Variants in OSBP2 observed in about 807,000 individuals in gnomAD.
The protein encoded by OSBP2 is oxysterol-binding protein 2.
In OSBP2, 66 loss-of-function variants were observed where a neutral mutation model predicts 96.0. The ratio of observed to expected loss-of-function variants is 0.69; its 90% CI spans 0.56 to 0.84. The LOEUF is 0.84. OSBP2 is among the 40% of genes least tolerant of loss of function. The probability of loss-of-function intolerance (pLI) is 0.00; values close to 1 mark genes in which losing one functional copy is unlikely to be tolerated. For missense variants in OSBP2, 1,038 were observed against 1,222.7 expected (o/e 0.85, Z 2.25); for synonymous variants, 525 against 520.9 (o/e 1.01, Z -0.11).
At chr22:30,755,856 C>T (rs1010864513) in intron 2 of OSBP2, among the ~76,000 whole-genome samples, 1 of 152,192 alleles carries the variant, frequency 6.6e-6, no homozygotes, top group Non-Finnish European at 1.5e-5. Context: ...GGTGCCTCTG[C>T]TAGGATTGCA....
At chr22:30,807,053 G>A (rs1339869712) in intron 2 of OSBP2, among the ~76,000 whole-genome samples, 1 of 152,130 alleles carries the variant, frequency 6.6e-6, no homozygotes, top group African/African-American at 2.4e-5. Context: ...TAGCTGTTTT[G>A]CACACATACC....
At chr22:30,860,565 T>G (rs2039190396) in intron 2 of OSBP2, among the ~76,000 whole-genome samples, 1 of 152,078 alleles carries the variant, frequency 6.6e-6, no homozygotes, top group Non-Finnish European at 1.5e-5. Flanking sequence ...TGGCATGGGG[T>G]CTGTCCTTCA....
chr22:30,755,091 G>A (rs754656941), intron 2 of OSBP2, among the ~76,000 whole-genome samples: 5 of 152,200 alleles, frequency 3.3e-5, no homozygotes, highest in Non-Finnish European at 5.9e-5. Flanking sequence ...GCCCTAGCCA[G>A]GATCAGCTCA....
intron 2 of OSBP2, among the ~76,000 whole-genome samples, chr22:30,767,373 C>T (rs1341293168): frequency 6.6e-6 from 1 of 151,934 alleles, no homozygotes; most frequent in Non-Finnish European, 1.5e-5. Context: ...TCTCAGGAAT[C>T]GTCACATACC....
intron 12 of OSBP2, chr22:30,894,547 G>A (rs1323598203): frequency 6.5e-6 from 1 of 153,188 alleles, no homozygotes; most frequent in East Asian, 1.9e-4. Flanking sequence ...GAGTTTGAGT[G>A]CAGTCTCCCG....
rs1295953246 is a variant in OSBP2, at chr22:30,812,504, T to C, written c.854-57925T>C. Reference sequence around the variant, plus strand: ...AACAGCATAGAATTCCATAGTGTATTATAATGTATTTAATCATTTTCCTCT... The same window carrying C: ...AACAGCATAGAATTCCATAGTGTATCATAATGTATTTAATCATTTTCCTCT... On this transcript the variant is annotated intron_variant, in intron 2 of 13. Transcript: ENST00000332585. Among the ~76,000 whole-genome samples the C allele has an allele frequency of 2.6e-5, 4 of 152,208 alleles. No homozygotes were observed. In the East Asian group the frequency reaches 7.7e-4, roughly 29 times the overall value.
intron 2 of OSBP2, among the ~76,000 whole-genome samples, chr22:30,809,317 T>C (rs1312042156): frequency 6.6e-6 from 1 of 152,192 alleles, no homozygotes; most frequent in African/African-American, 2.4e-5. Flanking sequence ...GACTCTCCAA[T>C]GGAGCCTTAT....
At position 30,857,083 on chromosome 22, in the gene OSBP2, G is replaced by A. The variant is rs5994352; in HGVS notation, c.854-13346G>A. On this transcript the variant is annotated intron_variant, in intron 2 of 13. Coordinates refer to ENST00000332585, the MANE Select transcript of OSBP2 (RefSeq NM_030758.4). ...TTGATTTTTCTCCTTTGCAAAAACT[G>A]CTTGGAGAGCTTTTCACCAAGGCAT... Among the ~76,000 whole-genome samples the A allele has an allele frequency of 3.2e-3, 484 of 152,338 alleles. 3 individuals are homozygous for A. Among genetic ancestry groups the A allele is most frequent in the African/African-American group, 0.011 (467 of 41,578 alleles).
chr22:30,729,357 G>A (rs148389674), intron 1 of OSBP2, among the ~76,000 whole-genome samples: 1 of 152,244 alleles, frequency 6.6e-6, no homozygotes, highest in African/African-American at 2.4e-5. Flanking sequence ...AAAATTATTG[G>A]CTGGGCACGG....
At chr22:30,885,010 G>A (rs889321404) in intron 3 of OSBP2, among the ~76,000 whole-genome samples, 1 of 152,176 alleles carries the variant, frequency 6.6e-6, no homozygotes, top group Non-Finnish European at 1.5e-5. Context: ...TTGTGGCCTG[G>A]GCACCAGGTG....
rs1051257830 is a variant in OSBP2, at chr22:30,803,161, G to T, written c.853+61792G>T. On this transcript the variant is annotated intron_variant, in intron 2 of 13. Coordinates refer to ENST00000332585, the MANE Select transcript of OSBP2 (RefSeq NM_030758.4). ...CGGGGCAGGACCCACGTCCACACCCGAGAGCCCCTCCCTGGGGTGAGTCAG... is the reference window on the plus strand; with the variant it reads ...CGGGGCAGGACCCACGTCCACACCCTAGAGCCCCTCCCTGGGGTGAGTCAG... The T allele has an allele frequency of 2.4e-5, 4 of 166,886 alleles. No individual in the cohort carries two copies. In the South Asian group the frequency reaches 4.8e-4, roughly 20 times the overall value. The allele number at this position is 166,886 out of a possible 1,614,324, so 10.3% of individuals were successfully genotyped here.
At chr22:30,739,870 C>A (rs777021522) in intron 1 of OSBP2, among the ~76,000 whole-genome samples, 1 of 151,916 alleles carries the variant, frequency 6.6e-6, no homozygotes, top group African/African-American at 2.4e-5. Context: ...GACAGAGTCT[C>A]GCTCTGTAGC....
intron 2 of OSBP2, among the ~76,000 whole-genome samples, chr22:30,766,291 T>C (rs1405141919): frequency 6.6e-6 from 1 of 152,192 alleles, no homozygotes; most frequent in Non-Finnish European, 1.5e-5. Context: ...TCTGTTTCTC[T>C]GGTGGCCTGG....
At chr22:30,806,754 G>A (rs1454966418) in intron 2 of OSBP2, among the ~76,000 whole-genome samples, 2 of 152,048 alleles carry the variant, frequency 1.3e-5, no homozygotes, top group African/African-American at 2.4e-5. Flanking sequence ...GACCTCCATG[G>A]ACCCTAGAGA....
chr22:30,710,767 C>T (rs1408238376), intron 1 of OSBP2, among the ~76,000 whole-genome samples: 2 of 152,118 alleles, frequency 1.3e-5, no homozygotes, highest in Admixed American at 6.6e-5. Flanking sequence ...TGTGCCACCA[C>T]GCCAGGCTTA....
At chr22:30,694,332 G>T (rs1224855251), upstream of OSBP2, 23 of 1,546,266 alleles carry the variant, frequency 1.5e-5, no homozygotes, top group South Asian at 2.4e-5. Flanking sequence ...CCGCAGGAGC[G>T]ACCCACAGAC....
At chr22:30,868,891 G>A (rs1015856735) in intron 2 of OSBP2, among the ~76,000 whole-genome samples, 2 of 152,208 alleles carry the variant, frequency 1.3e-5, no homozygotes, top group Non-Finnish European at 2.9e-5. Context: ...CTCACAGTAT[G>A]CATTATTTTT....
chr22:30,854,754 C>G (rs1489596999), intron 2 of OSBP2, among the ~76,000 whole-genome samples: 1 of 151,948 alleles, frequency 6.6e-6, no homozygotes. Flanking sequence ...GAAGAACTTC[C>G]TTTAACATCT....
At chr22:30,848,432 A>G (rs956301146) in intron 2 of OSBP2, among the ~76,000 whole-genome samples, 3 of 152,172 alleles carry the variant, frequency 2.0e-5, no homozygotes, top group African/African-American at 4.8e-5. Flanking sequence ...TCCTTTTTAA[A>G]TCAACCTTAT....
Sources: allele counts gnomAD v4.1 joint callset (sites outside exome capture counted in the v4.1 genomes callset), GRCh38; gene constraint gnomAD v4.1.1; transcripts MANE v1.5; gene names NCBI Gene and HGNC (gene_info 2026-07-23, HGNC 2026-07-21).